The following SSR1 variants were observed in gnomAD, a reference collection of about 807,000 sequenced individuals.
SSR1 encodes the protein signal sequence receptor subunit 1.
In SSR1, 13 loss-of-function variants were observed where a neutral mutation model predicts 36.1. The ratio of observed to expected loss-of-function variants is 0.36; its 90% CI spans 0.23 to 0.57. SSR1 has a LOEUF of 0.57. Among genes scored for constraint, SSR1 ranks in the 20% least tolerant of loss-of-function variants. The probability of loss-of-function intolerance (pLI) is 0.81; values close to 1 mark genes in which losing one functional copy is unlikely to be tolerated. For synonymous variants in SSR1, 113 were observed against 118.9 expected (o/e 0.95, Z 0.32); for missense variants, 291 against 338.5 (o/e 0.86, Z 1.10).
Position 7,303,568 on chromosome 6 carries a change from G to C in SSR1, c.262C>G (p.Leu88Val), listed in dbSNP as rs543412180. Residue 88 changes from leucine (L) to valine (V), a missense_variant, in exon 3 of 8, where the codon CTG (leucine) becomes GTG (valine). Transcript: ENST00000244763. ...GTATTACCTTCTCCTTTTACAAACAGTATAGTTGTATCTGCACTCGGTGAA... is the reference window on the plus strand; with the variant it reads ...GTATTACCTTCTCCTTTTACAAACACTATAGTTGTATCTGCACTCGGTGAA... ...EASPSADTTI[L>V]FVKGEDFPAN... 1.2e-6 allele frequency: 2 copies of C among 1,611,768 alleles called. No individual in the cohort carries two copies. The highest frequency in any genetic ancestry group is 2.7e-5 in the African/African-American group (2 of 74,798).
rs560037662 is a variant in SSR1, at chr6:7,303,676, G to A, written c.193-39C>T. On this transcript the variant is annotated intron_variant, in intron 2 of 7. Coordinates refer to ENST00000244763, the MANE Select transcript of SSR1 (RefSeq NM_003144.5). ...CAATTAAGAGGAGATTACTATGGGAGAAAAAAAAATCATTATTTAAAAATA... is the reference window on the plus strand; with the variant it reads ...CAATTAAGAGGAGATTACTATGGGAAAAAAAAAAATCATTATTTAAAAATA... The A allele has an allele frequency of 1.3e-5, 18 of 1,426,294 alleles. No homozygotes were observed. The African/African-American group carries it at 1.6e-4, about 13-fold the overall frequency. 88.4% of individuals were successfully genotyped at this position (1,426,294 alleles called of 1,614,324 possible).
chr6:7,305,760 T>TA (rs1338619167), intron 2 of SSR1, among the ~76,000 whole-genome samples: 1 of 73,738 alleles, frequency 1.4e-5, no homozygotes. Context: ...CAAAATCTGA[T>TA]AGAGTTCATG....
At position 7,286,446 on chromosome 6, in the gene SSR1, G is replaced by A. The variant is rs1246004424; in HGVS notation, c.*3418C>T. ...AATATCCTCTAAGGATGAGCTTATA[G>A]ACAGATTAACTTAACAACGAAACCT... On this transcript the variant is annotated 3_prime_UTR_variant, in exon 8 of 8. Coordinates refer to ENST00000244763, the MANE Select transcript of SSR1 (RefSeq NM_003144.5). The A allele has an allele frequency of 6.6e-6, 1 of 152,232 alleles. No homozygotes were observed. Among genetic ancestry groups the A allele is most frequent in the Non-Finnish European group, 1.5e-5 (1 of 68,032 alleles). The allele number at this position is 152,232 out of a possible 1,614,324, so 9.4% of individuals were successfully genotyped here. A position where few individuals can be genotyped will look rare whatever the true frequency, so the allele number is the denominator to read the frequency against.
rs1356863058 is a variant in SSR1, at chr6:7,288,929, G to A, written c.*935C>T. ...AACTCACTTTCTTCATTGATTAGGA[G>A]TAACTGGGAAATATCTCTGTCCTGA... On this transcript the variant is annotated 3_prime_UTR_variant, in exon 8 of 8. Coordinates refer to ENST00000244763, the MANE Select transcript of SSR1 (RefSeq NM_003144.5). 1 of 152,184 alleles carries A rather than the reference G, an allele frequency of 6.6e-6. No individual in the cohort carries two copies. Among genetic ancestry groups the A allele is most frequent in the Non-Finnish European group, 1.5e-5 (1 of 68,030 alleles). The allele number at this position is 152,184 out of a possible 1,614,324, so 9.4% of individuals were successfully genotyped here.
In SSR1 at chr6:7,281,898, T is replaced by A. The variant is rs3734582; in HGVS notation, c.*7966A>T. ...TTAGGTCTAAAAATCAGGACTGAAG[T>A]GATCAACAGTTAACAGATGAAGCCA... On this transcript the variant is annotated 3_prime_UTR_variant, in exon 8 of 8. Transcript: ENST00000244763. 2 of 151,996 alleles carry A rather than the reference T, an allele frequency of 1.3e-5. No homozygotes were observed. The highest frequency in any genetic ancestry group is 2.9e-5 in the Non-Finnish European group (2 of 68,014). The allele number at this position is 151,996 out of a possible 1,614,324, so 9.4% of individuals were successfully genotyped here.
Position 7,286,047 on chromosome 6 carries a change from G to C in SSR1, c.*3817C>G, listed in dbSNP as rs1016232173. 1 of 152,136 alleles carries C rather than the reference G, an allele frequency of 6.6e-6. No individual in the cohort carries two copies. Among genetic ancestry groups the C allele is most frequent in the African/African-American group, 2.4e-5 (1 of 41,416 alleles). The allele number at this position is 152,136 out of a possible 1,614,324, so 9.4% of individuals were successfully genotyped here. A position where few individuals can be genotyped will look rare whatever the true frequency, so the allele number is the denominator to read the frequency against. On this transcript the variant is annotated 3_prime_UTR_variant, in exon 8 of 8. Transcript: ENST00000244763. Reference sequence around the variant, plus strand: ...CCTTGAGCAAGCTACTTAAATTCAGGTTTTGTCTATTCCATCTACAAAATG... The same window carrying C: ...CCTTGAGCAAGCTACTTAAATTCAGCTTTTGTCTATTCCATCTACAAAATG...
chr6:7,302,061 A>T (rs1020029520), intron 3 of SSR1, among the ~76,000 whole-genome samples: 5 of 152,240 alleles, frequency 3.3e-5, no homozygotes, highest in African/African-American at 1.2e-4. Context: ...TCAAAATGCA[A>T]ATTTGAAGGT....
intron 6 of SSR1, among the ~76,000 whole-genome samples, chr6:7,296,723 TG>T (rs1757804196): frequency 6.7e-6 from 1 of 148,234 alleles, no homozygotes; most frequent in South Asian, 2.2e-4. Flanking sequence ...GGAGGGTGAG[TG>T]AGGGAATGGG....
At chr6:7,300,314 A>G (rs1757906295) in intron 4 of SSR1, among the ~76,000 whole-genome samples, 2 of 152,362 alleles carry the variant, frequency 1.3e-5, no homozygotes, top group South Asian at 2.1e-4. Context: ...ACTTTTTGAC[A>G]GAGGAATGGT....
intron 3 of SSR1, 74 bp downstream of exon 3, chr6:7,303,476 A>C: frequency 1.0e-6 from 1 of 977,652 alleles, no homozygotes; most frequent in Non-Finnish European, 1.6e-6. Flanking sequence ...AGATATGGGT[A>C]TTCAGATATA....
At chr6:7,294,767 T>C (rs1561830468) in intron 7 of SSR1, among the ~76,000 whole-genome samples, 2 of 152,316 alleles carry the variant, frequency 1.3e-5, no homozygotes, top group South Asian at 4.1e-4. Context: ...TTCTGTACTA[T>C]TTAATTTTTT....
At chr6:7,308,317 G>T (rs1758115232) in intron 2 of SSR1, among the ~76,000 whole-genome samples, 1 of 152,056 alleles carries the variant, frequency 6.6e-6, no homozygotes. Flanking sequence ...CAACAGATTT[G>T]CTTAGTTGGA....
rs1757432448 is a variant in SSR1, at chr6:7,282,114, G to A, written c.*7750C>T. 1 of 152,362 alleles carries A rather than the reference G, an allele frequency of 6.6e-6. No individual in the cohort carries two copies. Among genetic ancestry groups the A allele is most frequent in the Non-Finnish European group, 1.5e-5 (1 of 68,150 alleles). The allele number at this position is 152,362 out of a possible 1,614,324, so 9.4% of individuals were successfully genotyped here. A position where few individuals can be genotyped will look rare whatever the true frequency, so the allele number is the denominator to read the frequency against. Reference sequence around the variant, plus strand: ...TTGAGGCCGAGGAACTGAGGCTGAAGAAGGTTCTGGCAAGTGGAGAACCAT... The same window carrying A: ...TTGAGGCCGAGGAACTGAGGCTGAAAAAGGTTCTGGCAAGTGGAGAACCAT... On this transcript the variant is annotated 3_prime_UTR_variant, in exon 8 of 8. Coordinates refer to ENST00000244763, the MANE Select transcript of SSR1 (RefSeq NM_003144.5).
In SSR1 at chr6:7,282,303, T is replaced by C. The variant is rs1278298740; in HGVS notation, c.*7561A>G. The C allele has an allele frequency of 6.7e-6, 1 of 150,020 alleles. No homozygotes were observed. Among genetic ancestry groups the C allele is most frequent in the Non-Finnish European group, 1.5e-5 (1 of 67,246 alleles). The allele number at this position is 150,020 out of a possible 1,614,324, so 9.3% of individuals were successfully genotyped here. A position where few individuals can be genotyped will look rare whatever the true frequency, so the allele number is the denominator to read the frequency against. On this transcript the variant is annotated 3_prime_UTR_variant, in exon 8 of 8. Transcript: ENST00000244763. The stretch of plus-strand genomic sequence containing the variant: ...AAGTGAGGCAGGAGAACCACAGAGA[T>C]GGAAGCCAGGAGGTGTCCAATTAGA...
rs79555569 is a variant in SSR1, at chr6:7,307,281, G to A, written c.192+2636C>T. Among the ~76,000 whole-genome samples the A allele has an allele frequency of 4.0e-3, 614 of 152,314 alleles. 5 individuals are homozygous for A. Among genetic ancestry groups the A allele is most frequent in the African/African-American group, 0.014 (580 of 41,558 alleles). On this transcript the variant is annotated intron_variant, in intron 2 of 7. Transcript: ENST00000244763. ...AGCCTACCCCTGCTGGTGTGGTCTA[G>A]TACAATGGAAGGTAATACTTTTCCT...
At chr6:7,311,207 G>A (rs1280173793) in intron 1 of SSR1, among the ~76,000 whole-genome samples, 1 of 152,040 alleles carries the variant, frequency 6.6e-6, no homozygotes, top group Non-Finnish European at 1.5e-5. Flanking sequence ...ACAAAGTACA[G>A]GTATAATGCA....
rs1040812818 is a variant in SSR1 at position 7,284,783 on chromosome 6, G to T, written c.*5081C>A. 6.6e-6 allele frequency: 1 copy of T among 151,378 alleles called. No homozygotes were observed. The highest frequency in any genetic ancestry group is 2.4e-5 in the African/African-American group (1 of 41,122). The allele number at this position is 151,378 out of a possible 1,614,324, so 9.4% of individuals were successfully genotyped here. ...GGGAAGAATCATTTATAGTAACACTGAATTAAGTAAGGGTTTGTAGGTCAC... is the reference window on the plus strand; with the variant it reads ...GGGAAGAATCATTTATAGTAACACTTAATTAAGTAAGGGTTTGTAGGTCAC... On this transcript the variant is annotated 3_prime_UTR_variant, in exon 8 of 8. Transcript: ENST00000244763.
chr6:7,306,901 A>G (rs577433986), intron 2 of SSR1, among the ~76,000 whole-genome samples: 226 of 124,282 alleles, frequency 1.8e-3, no homozygotes, highest in African/African-American at 6.8e-3. Context: ...TGGGCGACAG[A>G]GCGAGACTCT....
intron 7 of SSR1, among the ~76,000 whole-genome samples, chr6:7,291,675 CTAAA>C (rs1757684625): frequency 7.7e-6 from 1 of 129,666 alleles, no homozygotes. Context: ...CAACCAATCT[CTAAA>C]TAAAACTTTT....
Sources: allele counts gnomAD v4.1 joint callset (sites outside exome capture counted in the v4.1 genomes callset), GRCh38; gene constraint gnomAD v4.1.1; transcripts MANE v1.5; gene names NCBI Gene and HGNC (gene_info 2026-07-23, HGNC 2026-07-21).